Variants in ZSWIM5 observed in about 807,000 individuals in gnomAD.
ZSWIM5 encodes zinc finger SWIM domain-containing protein 5.
A neutral mutation model predicts 119.6 loss-of-function variants in ZSWIM5; 55 were observed. The ratio of observed to expected loss-of-function variants is 0.46; its 90% CI spans 0.37 to 0.58. The LOEUF is 0.58. Among genes scored for constraint, ZSWIM5 ranks in the 20% least tolerant of loss-of-function variants. The pLI, the probability that ZSWIM5 is intolerant of heterozygous loss-of-function variation, is 0.00. For synonymous variants in ZSWIM5, 537 were observed against 606.9 expected (o/e 0.88, Z 1.69); for missense variants, 1,193 against 1,512.8 (o/e 0.79, Z 3.51).
chr1:45,147,483 GA>G (rs530367301), intron 1 of ZSWIM5, among the ~76,000 whole-genome samples: 42 of 144,014 alleles, frequency 2.9e-4, no homozygotes, highest in Admixed American at 1.0e-3. Flanking sequence ...TTACCATATA[GA>G]AAACGTTTTC....
chr1:45,077,301 T>G (rs947061375), intron 2 of ZSWIM5, among the ~76,000 whole-genome samples: 7 of 152,068 alleles, frequency 4.6e-5, no homozygotes, highest in African/African-American at 1.7e-4. Flanking sequence ...TCGGCTGGCT[T>G]GAGAAATAAA....
chr1:45,058,795 T>G (rs750770814), intron 3 of ZSWIM5, 36 bp from the exon 4 acceptor site: 5 of 1,610,108 alleles, frequency 3.1e-6, no homozygotes, highest in Non-Finnish European at 4.2e-6. Flanking sequence ...TTGGTGATTG[T>G]GTATCACAAA....
rs750906438 is a variant in ZSWIM5 at position 45,121,814 on chromosome 1, C to T, written c.596-33577G>A. Among the ~76,000 whole-genome samples the T allele has an allele frequency of 6.3e-4, 96 of 152,152 alleles. 1 individual carries two copies. Among genetic ancestry groups the T allele is most frequent in the Non-Finnish European group, 8.1e-4 (55 of 67,992 alleles). ...ATGTTGCCCAGTCTGGTCTAAATGA[C>T]GGGGCTCAAGTGATCCCCTCACCTC... is the stretch of plus-strand genomic sequence containing the variant. On this transcript the variant is annotated intron_variant, in intron 1 of 13. Coordinates refer to ENST00000359600, the MANE Select transcript of ZSWIM5 (RefSeq NM_020883.2).
chr1:45,173,084 A>C (rs556084826), intron 1 of ZSWIM5, among the ~76,000 whole-genome samples: 2 of 152,098 alleles, frequency 1.3e-5, no homozygotes, highest in East Asian at 1.9e-4. Context: ...AGGATTGCTT[A>C]AGCCCAAGAG....
At position 45,062,595 on chromosome 1, in the gene ZSWIM5, C is replaced by G. The variant is rs528720059; in HGVS notation, c.953-2348G>C. Among the ~76,000 whole-genome samples, 36 of 152,114 alleles carry G rather than the reference C, an allele frequency of 2.4e-4. No homozygotes were observed. In the South Asian group the frequency reaches 3.3e-3, roughly 14 times the overall value. On this transcript the variant is annotated intron_variant, in intron 2 of 13. Transcript: ENST00000359600. ...GGCTCACTGCATCCTCAACCTCCTG[C>G]GCTCAAGTGATCCTACCACCTTAGC...
chr1:45,181,239 A>G (rs1455134145), intron 1 of ZSWIM5, among the ~76,000 whole-genome samples: 1 of 152,134 alleles, frequency 6.6e-6, no homozygotes, highest in Non-Finnish European at 1.5e-5. Context: ...AAGTGCTTAA[A>G]GGAGCTGATG....
intron 1 of ZSWIM5, among the ~76,000 whole-genome samples, chr1:45,160,659 T>TC (rs1645857874): frequency 6.7e-6 from 1 of 148,392 alleles, no homozygotes; most frequent in Non-Finnish European, 1.5e-5. Flanking sequence ...ATGTACCACT[T>TC]TTTTTTTTTT....
chr1:45,159,328 T>A (rs746217743), intron 1 of ZSWIM5, among the ~76,000 whole-genome samples: 4 of 152,142 alleles, frequency 2.6e-5, no homozygotes, highest in African/African-American at 4.8e-5. Flanking sequence ...ACTTAACTAG[T>A]CAAGTTAATT....
intron 1 of ZSWIM5, among the ~76,000 whole-genome samples, chr1:45,103,851 G>A (rs1645454376): frequency 6.6e-6 from 1 of 152,202 alleles, no homozygotes; most frequent in African/African-American, 2.4e-5. Flanking sequence ...TGCAAGAAAG[G>A]CTCTAGTAAA....
chr1:45,067,964 G>A (rs1435023056), intron 2 of ZSWIM5, among the ~76,000 whole-genome samples: 1 of 152,080 alleles, frequency 6.6e-6, no homozygotes, highest in African/African-American at 2.4e-5. Context: ...AGATAAGATA[G>A]AAAGGATGTC....
At chr1:45,172,477 A>G (rs1267140844) in intron 1 of ZSWIM5, among the ~76,000 whole-genome samples, 1 of 152,176 alleles carries the variant, frequency 6.6e-6, no homozygotes, top group Non-Finnish European at 1.5e-5. Context: ...AAAAAAGCTG[A>G]AAAAGTGCTA....
At chr1:45,134,168 G>A (rs1271660765) in intron 1 of ZSWIM5, among the ~76,000 whole-genome samples, 1 of 152,118 alleles carries the variant, frequency 6.6e-6, no homozygotes, top group Non-Finnish European at 1.5e-5. Flanking sequence ...GTAGCTTGAT[G>A]GTGATGGCAT....
chr1:45,045,253 T>C (rs1201839742), intron 5 of ZSWIM5, among the ~76,000 whole-genome samples: 1 of 152,088 alleles, frequency 6.6e-6, no homozygotes, highest in Non-Finnish European at 1.5e-5. Context: ...GAGGGAGTCA[T>C]TTAACTGATG....
intron 1 of ZSWIM5, among the ~76,000 whole-genome samples, chr1:45,156,803 G>A (rs1396401139): frequency 6.6e-6 from 1 of 151,038 alleles, no homozygotes; most frequent in Non-Finnish European, 1.5e-5. Context: ...CATCTAGATT[G>A]GAAAGGAGTA....
At chr1:45,116,048 A>G (rs1284533308) in intron 1 of ZSWIM5, among the ~76,000 whole-genome samples, 1 of 151,258 alleles carries the variant, frequency 6.6e-6, no homozygotes, top group Non-Finnish European at 1.5e-5. Flanking sequence ...GTGAGCCGAG[A>G]TGGCGGCAGT....
At chr1:45,162,838 G>A (rs1226742331) in intron 1 of ZSWIM5, among the ~76,000 whole-genome samples, 3 of 152,216 alleles carry the variant, frequency 2.0e-5, no homozygotes, top group Admixed American at 2.0e-4. Flanking sequence ...AAACTGGGTG[G>A]AGCCCACCAC....
At chr1:45,164,577 T>A (rs929544244) in intron 1 of ZSWIM5, among the ~76,000 whole-genome samples, 2 of 151,980 alleles carry the variant, frequency 1.3e-5, no homozygotes, top group Non-Finnish European at 2.9e-5. Context: ...AGGAGACCCA[T>A]CTCACGTGCA....
At chr1:45,192,582 A>AT (rs1479490137) in intron 1 of ZSWIM5, among the ~76,000 whole-genome samples, 2 of 152,208 alleles carry the variant, frequency 1.3e-5, no homozygotes, top group Non-Finnish European at 2.9e-5. Flanking sequence ...GGTTGTTTCC[A>AT]TCTTCTGCCT....
intron 1 of ZSWIM5, among the ~76,000 whole-genome samples, chr1:45,135,868 C>CT (rs369010211): frequency 2.6e-3 from 387 of 148,216 alleles, no homozygotes; most frequent in African/African-American, 8.0e-3. Flanking sequence ...TGTGTGAAGT[C>CT]TTTTTTTTTT....
Sources: allele counts gnomAD v4.1 joint callset (sites outside exome capture counted in the v4.1 genomes callset), GRCh38; gene constraint gnomAD v4.1.1; transcripts MANE v1.5; gene names NCBI Gene and HGNC (gene_info 2026-07-23, HGNC 2026-07-21).